AOPEP: variants seen among roughly 807,000 people sequenced by gnomAD.
The protein encoded by AOPEP is aminopeptidase O (putative).
AOPEP carries 77 observed loss-of-function variants against 98.1 expected under a neutral mutation model. The observed-to-expected ratio is 0.78, with a 90% CI of 0.65 to 0.95. AOPEP has a LOEUF of 0.95. Among genes scored for constraint, AOPEP ranks in the 40% least tolerant of loss-of-function variants. AOPEP has a pLI of 0.00. For synonymous variants in AOPEP, 346 were observed against 365.3 expected, an observed-to-expected ratio of 0.95 and a Z score of 0.60; for missense variants, 1,024 against 1,024.7, an observed-to-expected ratio of 1.00 and a Z score of 0.01.
the AOPEP span, chr9:95,126,773 G>A: frequency 3.3e-6 from 2 of 611,574 alleles, no homozygotes; most frequent in Admixed American, 4.9e-5. Flanking sequence ...GTCTCCCTGG[G>A]CAGGGGTTAC....
At chr9:94,938,539 G>T (rs1004424577) in intron 7 of AOPEP, among the ~76,000 whole-genome samples, 1 of 152,204 alleles carries the variant, frequency 6.6e-6, no homozygotes, top group African/African-American at 2.4e-5. Flanking sequence ...GGCAGAGGGA[G>T]AGGAATTCAA....
chr9:94,978,104 G>A (rs1230833974), intron 10 of AOPEP, among the ~76,000 whole-genome samples: 2 of 151,914 alleles, frequency 1.3e-5, no homozygotes, highest in South Asian at 2.1e-4. Flanking sequence ...CTACTTCCCC[G>A]TCTGCAACAC....
intron 5 of AOPEP, among the ~76,000 whole-genome samples, chr9:94,903,084 A>C (rs1003840447): frequency 6.7e-6 from 1 of 150,224 alleles, no homozygotes; most frequent in African/African-American, 2.5e-5. Flanking sequence ...GGGTTCAAGC[A>C]CTTCTCCTGC....
intron 5 of AOPEP, among the ~76,000 whole-genome samples, chr9:94,862,202 A>C (rs1474328313): frequency 1.3e-5 from 2 of 152,214 alleles, no homozygotes; most frequent in African/African-American, 4.8e-5. Context: ...CCTGTTGCAT[A>C]GTAAAAAGGA....
At chr9:94,743,333 G>T (rs1394570183) in intron 1 of AOPEP, among the ~76,000 whole-genome samples, 1 of 152,198 alleles carries the variant, frequency 6.6e-6, no homozygotes, top group East Asian at 1.9e-4. Context: ...AGTGGTATGA[G>T]ATGCCACAGA....
chr9:95,096,910 T>C, the AOPEP span, among the ~76,000 whole-genome samples: 144,273 of 152,314 alleles, frequency 0.95, 68,360 homozygotes, highest in Middle Eastern at 0.99. Flanking sequence ...TGTCTGTGTC[T>C]AGGATGTCGT....
At chr9:95,111,764 A>G in the AOPEP span, 1 of 1,043,074 alleles carries the variant, frequency 9.6e-7, no homozygotes, top group Non-Finnish European at 1.5e-6. Context: ...TGCAACCTGC[A>G]AGGAATACAA....
intron 6 of AOPEP, among the ~76,000 whole-genome samples, chr9:94,924,469 A>G (rs960927178): frequency 2.6e-5 from 4 of 152,218 alleles, no homozygotes; most frequent in African/African-American, 4.8e-5. Flanking sequence ...GTAGTAAGAG[A>G]AGGCCTCTCT....
Position 94,773,169 on chromosome 9 carries a change from G to A in AOPEP, c.964+1G>A. 6.2e-7 allele frequency: 1 copy of A among 1,613,304 alleles called. No homozygotes were observed. Among genetic ancestry groups the A allele is most frequent in the Admixed American group, 1.7e-5 (1 of 59,932 alleles). On this transcript the variant is annotated splice_donor_variant, in intron 3 of 16. Transcript: ENST00000375315. LOFTEE classifies it high-confidence loss of function. ...GCCAAACCAACGCAGCTTTGGGAAGGTACTGTACATGTGTTCTTTGCTTAT... is the reference window on the plus strand; with the variant it reads ...GCCAAACCAACGCAGCTTTGGGAAGATACTGTACATGTGTTCTTTGCTTAT...
chr9:95,124,266 G>A, the AOPEP span, among the ~76,000 whole-genome samples: 4 of 152,270 alleles, frequency 2.6e-5, no homozygotes, highest in Admixed American at 6.5e-5. Flanking sequence ...ATACTCTACA[G>A]ATGAGATGCA....
chr9:94,732,011 C>G (rs1370722812), intron 1 of AOPEP, among the ~76,000 whole-genome samples: 1 of 151,972 alleles, frequency 6.6e-6, no homozygotes, highest in Non-Finnish European at 1.5e-5. Flanking sequence ...TTTCGAACTC[C>G]TGACCTCAAG....
At chr9:94,841,411 T>C (rs924798604) in intron 5 of AOPEP, among the ~76,000 whole-genome samples, 3 of 152,180 alleles carry the variant, frequency 2.0e-5, no homozygotes, top group African/African-American at 7.2e-5. Context: ...TAACCTCAGG[T>C]GATCCGCCTG....
intron 5 of AOPEP, among the ~76,000 whole-genome samples, chr9:94,876,574 C>T (rs1220776664): frequency 2.0e-5 from 3 of 152,086 alleles, no homozygotes; most frequent in African/African-American, 7.2e-5. Flanking sequence ...ACCGTGTTAG[C>T]CAGGTTGGTC....
chr9:94,816,288 G>C (rs1851685257), intron 5 of AOPEP, among the ~76,000 whole-genome samples: 1 of 152,184 alleles, frequency 6.6e-6, no homozygotes, highest in African/African-American at 2.4e-5. Flanking sequence ...GTCAGCATAA[G>C]CCTTGGCCTC....
chr9:95,002,621 C>G (rs1360836733), intron 11 of AOPEP, among the ~76,000 whole-genome samples: 1 of 152,116 alleles, frequency 6.6e-6, no homozygotes, highest in African/African-American at 2.4e-5. Flanking sequence ...TAAAACTGCT[C>G]TAAGAATCAC....
intron 1 of AOPEP, among the ~76,000 whole-genome samples, chr9:94,738,810 G>A (rs1313222443): frequency 6.6e-6 from 1 of 151,974 alleles, no homozygotes. Context: ...TCCTGACTTC[G>A]TGATCCGCCC....
At chr9:95,013,091 C>T (rs2062690384) in intron 13 of AOPEP, among the ~76,000 whole-genome samples, 2 of 151,486 alleles carry the variant, frequency 1.3e-5, no homozygotes, top group South Asian at 4.2e-4. Flanking sequence ...TCATGTGTCC[C>T]TTGAGTTTGT....
intron 11 of AOPEP, chr9:95,003,770 TATA>T (rs1460723924): frequency 2.6e-5 from 4 of 153,524 alleles, no homozygotes; most frequent in African/African-American, 7.2e-5. Context: ...ACTTAGCTAT[TATA>T]ATAATGACGC....
intron 11 of AOPEP, among the ~76,000 whole-genome samples, chr9:94,982,584 T>C (rs2060257753): frequency 6.7e-6 from 1 of 149,254 alleles, no homozygotes. Flanking sequence ...TTTTTTTTTT[T>C]TGGAGACAGG....
Sources: gnomAD v4.1 joint callset for allele counts (sites outside exome capture counted in the v4.1 genomes callset) on GRCh38, gnomAD v4.1.1 for gene constraint, MANE v1.5 for transcripts, NCBI Gene and HGNC (gene_info 2026-07-23, HGNC 2026-07-21) for gene names.